Variants in ELMOD2 observed in about 807,000 individuals in gnomAD.
The protein encoded by ELMOD2 is ELMO domain containing 2, also known as ELMO domain-containing protein 2.
A neutral mutation model predicts 41.0 loss-of-function variants in ELMOD2; 28 were observed. That is an observed-to-expected ratio of 0.68 (90% confidence interval 0.51 to 0.94). The LOEUF (loss-of-function observed/expected upper bound fraction) is 0.94, where lower values mean the gene tolerates loss of function less well. ELMOD2 is among the 40% of genes least tolerant of loss of function. ELMOD2 has a pLI of 0.00. For synonymous variants in ELMOD2, 106 were observed against 107.2 expected (o/e 0.99, Z 0.07); for missense variants, 333 against 343.1 (o/e 0.97, Z 0.23).
At position 140,540,468 on chromosome 4, in the gene ELMOD2, T is replaced by C. The variant is rs74288616; in HGVS notation, c.533+167T>C. 0.19 allele frequency among the ~76,000 whole-genome samples: 29,579 copies of C among 152,202 alleles called. 2,964 individuals are homozygous for C. The highest frequency in any genetic ancestry group is 0.27 in the Admixed American group (4,061 of 15,286). The stretch of plus-strand genomic sequence containing the variant: ...TGTGTTGGCAACAATATGAAGATAT[T>C]GGAGGCCAGGCACAGTGGCTCACGC... On this transcript the variant is annotated intron_variant, in intron 6 of 8. Transcript: ENST00000323570.
chr4:140,545,849 A>G (rs1438062091), intron 8 of ELMOD2, among the ~76,000 whole-genome samples: 1 of 152,170 alleles, frequency 6.6e-6, no homozygotes, highest in Non-Finnish European at 1.5e-5. Flanking sequence ...AGTGCTGGAG[A>G]GGATGTGGAG....
intron 5 of ELMOD2, among the ~76,000 whole-genome samples, chr4:140,538,237 G>T (rs981813670): frequency 6.6e-6 from 1 of 152,136 alleles, no homozygotes; most frequent in African/African-American, 2.4e-5. Context: ...TTTAGTACTA[G>T]AATGGTAGGG....
intron 7 of ELMOD2, 130 bp downstream of exon 7, chr4:140,542,772 T>C: frequency 1.6e-6 from 1 of 627,232 alleles, no homozygotes; most frequent in Non-Finnish European, 2.5e-6. Flanking sequence ...TAAAGGATAT[T>C]ACATGATACA....
At chr4:140,538,545 A>G (rs774419571) in intron 5 of ELMOD2, among the ~76,000 whole-genome samples, 1 of 152,176 alleles carries the variant, frequency 6.6e-6, no homozygotes, top group East Asian at 1.9e-4. Flanking sequence ...AGTACCTGGC[A>G]CTTACTGAGG....
intron 8 of ELMOD2, among the ~76,000 whole-genome samples, chr4:140,548,654 G>C (rs569575662): frequency 1.4e-4 from 22 of 152,160 alleles, no homozygotes; most frequent in African/African-American, 5.3e-4. Context: ...GTGATTTGGG[G>C]CACATCATTT....
intron 3 of ELMOD2, among the ~76,000 whole-genome samples, chr4:140,532,409 C>T (rs964030089): frequency 2.6e-5 from 4 of 151,958 alleles, no homozygotes; most frequent in Admixed American, 2.6e-4. Context: ...TCAGGTGATC[C>T]ACCCATCTCT....
chr4:140,542,812 C>T (rs113781254), intron 7 of ELMOD2, among the ~76,000 whole-genome samples, 170 bp downstream of exon 7: 1,964 of 151,584 alleles, frequency 0.013, 41 homozygotes, highest in African/African-American at 0.043. Flanking sequence ...TGATTGTAAA[C>T]CAATTTTGTA....
chr4:140,537,614 C>G (rs1208057467), intron 5 of ELMOD2, 73 bp downstream of exon 5: 3 of 1,554,746 alleles, frequency 1.9e-6, no homozygotes, highest in Non-Finnish European at 2.6e-6. Context: ...TAAGTAAAGT[C>G]TGCAAATTCT....
Position 140,550,479 on chromosome 4 carries a change from C to T in ELMOD2, c.*104C>T. 2 of 1,176,448 alleles carry T rather than the reference C, an allele frequency of 1.7e-6. No individual in the cohort carries two copies. Among genetic ancestry groups the T allele is most frequent in the Non-Finnish European group, 2.3e-6 (2 of 869,386 alleles). The allele number at this position is 1,176,448 out of a possible 1,614,324, so 72.9% of individuals were successfully genotyped here. On this transcript the variant is annotated 3_prime_UTR_variant, in exon 9 of 9. Transcript: ENST00000323570. ...TCAATTACACTCTTATATATAATTT[C>T]CTACAAAAATATTTCAGAAATTCTA...
rs1735173268 is a variant in ELMOD2 at position 140,543,558 on chromosome 4, A to G, written c.708A>G (p.Pro236=). 1.3e-6 allele frequency: 2 copies of G among 1,598,940 alleles called. No individual in the cohort carries two copies. The highest frequency in any genetic ancestry group is 1.3e-5 in the African/African-American group (1 of 74,204). ...FHLYNLVPGI[P]TMEHFHQFYC... is the part of the protein sequence containing the mutation. The stretch of plus-strand genomic sequence containing the variant: ...TCTATAACCTTGTTCCTGGTATACC[A>G]ACAATGGAACACTTTCATCAGTTTT... The change falls in exon 8 of 9, where the codon CCA becomes CCG. Residue 236 remains proline, a synonymous_variant. Coordinates refer to ENST00000323570, the MANE Select transcript of ELMOD2 (RefSeq NM_153702.4).
rs1215048041 is a variant in ELMOD2 at position 140,542,569 on chromosome 4, T to C, written c.534-5T>C. The C allele has an allele frequency of 3.8e-6, 6 of 1,596,272 alleles. No homozygotes were observed. In the African/African-American group the frequency reaches 6.7e-5, roughly 18 times the overall value. ...TTGTTTGATTATTTTTCTTAAACTT[T>C]TTAGGTATTTCAGTGAAAATTACAC... On this transcript the variant is annotated splice_polypyrimidine_tract_variant and splice_region_variant and intron_variant, in intron 6 of 8. Transcript: ENST00000323570.
At chr4:140,538,248 C>T (rs1734993462) in intron 5 of ELMOD2, among the ~76,000 whole-genome samples, 2 of 152,042 alleles carry the variant, frequency 1.3e-5, no homozygotes, top group African/African-American at 4.8e-5. Flanking sequence ...AATGGTAGGG[C>T]CTGGAACAGA....
rs761606647 is a variant in ELMOD2, at chr4:140,535,836, C to T, written c.269+6C>T. Reference sequence around the variant, plus strand: ...AACCCTGAGAAGGATGCCAGGTGTGCGTTTTTTACATTATTCTTTTTTATT... The same window carrying T: ...AACCCTGAGAAGGATGCCAGGTGTGTGTTTTTTACATTATTCTTTTTTATT... On this transcript the variant is annotated splice_donor_region_variant and intron_variant, in intron 4 of 8. Transcript: ENST00000323570. 13 of 1,592,274 alleles carry T rather than the reference C, an allele frequency of 8.2e-6. No homozygotes were observed. The highest frequency in any genetic ancestry group is 2.2e-5 in the East Asian group (1 of 44,568).
At chr4:140,537,322 C>A in intron 4 of ELMOD2, 90 bp from the exon 5 acceptor site, 2 of 1,179,248 alleles carry the variant, frequency 1.7e-6, no homozygotes, top group Non-Finnish European at 2.2e-6. Context: ...CCAGGAAATG[C>A]TTTCTAAATA....
rs1430386398 is a variant in ELMOD2, at chr4:140,527,359, A to G, written c.143-107A>G. On this transcript the variant is annotated intron_variant, in intron 2 of 8. Transcript: ENST00000323570. ...TTATATAGAAATTATATCTCCTGGA[A>G]CTATTAGTTTGTTACTGGTTTGATA... 4 of 844,402 alleles carry G rather than the reference A, an allele frequency of 4.7e-6. No homozygotes were observed. The African/African-American group carries it at 5.2e-5, about 11-fold the overall frequency. 52.3% of individuals were successfully genotyped at this position (844,402 alleles called of 1,614,324 possible).
At chr4:140,533,230 G>A (rs928243101) in intron 3 of ELMOD2, among the ~76,000 whole-genome samples, 3 of 152,154 alleles carry the variant, frequency 2.0e-5, no homozygotes, top group African/African-American at 4.8e-5. Flanking sequence ...TCATTCTAAA[G>A]TTTGTAAAGA....
chr4:140,527,370 G>T, intron 2 of ELMOD2, 96 bp from the exon 3 acceptor site: 1 of 936,094 alleles, frequency 1.1e-6, no homozygotes, highest in Non-Finnish European at 1.7e-6. Context: ...CTATTAGTTT[G>T]TTACTGGTTT....
intron 5 of ELMOD2, 103 bp from the exon 6 acceptor site, chr4:140,540,065 C>G (rs1188618121): frequency 1.5e-6 from 2 of 1,354,470 alleles, no homozygotes; most frequent in Admixed American, 5.0e-5. Flanking sequence ...AAAGTCTTTG[C>G]TTAACCTATG....
intron 4 of ELMOD2, among the ~76,000 whole-genome samples, chr4:140,536,276 A>T (rs1167327386): frequency 6.6e-6 from 1 of 152,144 alleles, no homozygotes; most frequent in African/African-American, 2.4e-5. Flanking sequence ...CCCTCTGTAA[A>T]TTCTAAGTTC....
Sources: allele counts gnomAD v4.1 joint callset (sites outside exome capture counted in the v4.1 genomes callset), GRCh38; gene constraint gnomAD v4.1.1; transcripts MANE v1.5; gene names NCBI Gene and HGNC (gene_info 2026-07-23, HGNC 2026-07-21).